The following SNAP23 variants were observed in gnomAD, a reference collection of about 807,000 sequenced individuals.
The protein encoded by SNAP23 is synaptosomal-associated protein 23.
Under a neutral mutation model 29.0 loss-of-function variants are expected in SNAP23, and 11 were observed. That is an observed-to-expected ratio of 0.38 (90% confidence interval 0.24 to 0.63). SNAP23 has a LOEUF of 0.63. Ranked by LOEUF, SNAP23 falls within the 20% of genes least tolerant of loss-of-function variation. The probability of loss-of-function intolerance (pLI) is 0.58; values close to 1 mark genes in which losing one functional copy is unlikely to be tolerated. For missense variants in SNAP23, 220 were observed against 253.9 expected (o/e 0.87, Z 0.91); for synonymous variants, 60 against 82.9 (o/e 0.72, Z 1.50).
At chr15:42,525,705 G>C (rs1407915763) in intron 5 of SNAP23, among the ~76,000 whole-genome samples, 1 of 151,682 alleles carries the variant, frequency 6.6e-6, no homozygotes, top group African/African-American at 2.4e-5. Context: ...TTCGTGATCT[G>C]CCTGCCTCGG....
At chr15:42,522,645 TCA>T (rs1485822555) in intron 5 of SNAP23, among the ~76,000 whole-genome samples, 1 of 150,286 alleles carries the variant, frequency 6.7e-6, no homozygotes, top group Admixed American at 6.7e-5. Context: ...TGTGAAATAG[TCA>T]CAGCTAATAT....
At chr15:42,495,946 C>A (rs2057215980) in intron 1 of SNAP23, 2 of 152,206 alleles carry the variant, frequency 1.3e-5, no homozygotes, top group Non-Finnish European at 1.5e-5. Context: ...TTCTCTGGAC[C>A]CTTCCTCGAA....
upstream of SNAP23, among the ~76,000 whole-genome samples, chr15:42,493,737 T>C (rs1335080124): frequency 6.6e-6 from 1 of 152,144 alleles, no homozygotes; most frequent in African/African-American, 2.4e-5. Context: ...TATTACTTTC[T>C]ACAATATTCC....
chr15:42,529,907 C>T (rs952990180), intron 7 of SNAP23, 88 bp downstream of exon 7: 34 of 1,396,062 alleles, frequency 2.4e-5, no homozygotes, highest in South Asian at 9.4e-5. Flanking sequence ...GTGGGGGACA[C>T]GGTAGAATAA....
intron 1 of SNAP23, among the ~76,000 whole-genome samples, chr15:42,501,220 T>C (rs1173311043): frequency 6.6e-6 from 1 of 152,152 alleles, no homozygotes; most frequent in Non-Finnish European, 1.5e-5. Flanking sequence ...GTGTTCTGTC[T>C]TGAAAGCCAT....
chr15:42,513,266 A>T (rs1310031984), intron 3 of SNAP23, 133 bp from the exon 4 acceptor site: 2 of 845,156 alleles, frequency 2.4e-6, no homozygotes, highest in Non-Finnish European at 4.1e-6. Flanking sequence ...GTTTAAGAAT[A>T]CTAGTTCTGT....
At chr15:42,499,283 G>A (rs778956718) in intron 1 of SNAP23, among the ~76,000 whole-genome samples, 1 of 152,142 alleles carries the variant, frequency 6.6e-6, no homozygotes, top group African/African-American at 2.4e-5. Flanking sequence ...TGTTAGTGAG[G>A]CTGGTCTCGA....
At chr15:42,492,812 G>A (rs2057184551), upstream of SNAP23, 1 of 151,902 alleles carries the variant, frequency 6.6e-6, no homozygotes, top group African/African-American at 2.4e-5. Flanking sequence ...ACAAGTCCTT[G>A]AAACACTCAA....
chr15:42,510,505 C>G (rs557975246), intron 1 of SNAP23, among the ~76,000 whole-genome samples: 2 of 152,250 alleles, frequency 1.3e-5, no homozygotes, highest in East Asian at 3.9e-4. Flanking sequence ...GTTTGTGGCT[C>G]TAGTGATTCT....
intron 1 of SNAP23, among the ~76,000 whole-genome samples, chr15:42,506,028 C>T (rs537445972): frequency 1.3e-5 from 2 of 150,118 alleles, no homozygotes; most frequent in African/African-American, 4.9e-5. Flanking sequence ...TAACTGCAAC[C>T]ACTCCCTCCC....
At position 42,512,824 on chromosome 15, in the gene SNAP23, A is replaced by G. The variant is rs1322928915; in HGVS notation, c.58-131A>G. 4.6e-6 allele frequency: 3 copies of G among 658,246 alleles called. No individual in the cohort carries two copies. The African/African-American group carries it at 5.4e-5, about 12-fold the overall frequency. The allele number at this position is 658,246 out of a possible 1,614,324, so 40.8% of individuals were successfully genotyped here. On this transcript the variant is annotated intron_variant, in intron 2 of 7. Coordinates refer to ENST00000249647, the MANE Select transcript of SNAP23 (RefSeq NM_003825.4). ...CTCGGCCTCCCAAAGTGCTGGGATT[A>G]TAGGCATGAGCCACTGTGCCCGGCC...
At chr15:42,494,510 CTT>C (rs71108164), upstream of SNAP23, among the ~76,000 whole-genome samples, 3,760 of 122,336 alleles carry the variant, frequency 0.031, 52 homozygotes, top group African/African-American at 0.053. Flanking sequence ...TTTTTTCTTT[CTT>C]TTTTTTTTTT....
chr15:42,528,055 ATT>A, intron 5 of SNAP23: 1 of 471,410 alleles, frequency 2.1e-6, no homozygotes, highest in Non-Finnish European at 3.8e-6. Context: ...CCTTTTTAAA[ATT>A]TTTTTTAGTG....
chr15:42,511,402 C>T (rs1487309476), intron 1 of SNAP23, among the ~76,000 whole-genome samples: 1 of 152,230 alleles, frequency 6.6e-6, no homozygotes, highest in East Asian at 1.9e-4. Flanking sequence ...TCTTCAGGCA[C>T]ATAACTTCAA....
upstream of SNAP23, among the ~76,000 whole-genome samples, chr15:42,493,862 T>C (rs202052900): frequency 1.1e-4 from 17 of 152,290 alleles, no homozygotes; most frequent in East Asian, 2.7e-3. Context: ...TTTAACTTCC[T>C]GTTACTAAAC....
chr15:42,501,866 T>C (rs1412904717), intron 1 of SNAP23, among the ~76,000 whole-genome samples: 2 of 152,182 alleles, frequency 1.3e-5, no homozygotes, highest in Admixed American at 1.3e-4. Context: ...ATGAGGAAAC[T>C]GAAGCACAGA....
At chr15:42,525,205 A>T (rs62019288) in intron 5 of SNAP23, among the ~76,000 whole-genome samples, 12,388 of 151,748 alleles carry the variant, frequency 0.082, 647 homozygotes, top group Non-Finnish European at 0.12. Flanking sequence ...TGTCTCTACT[A>T]AAAATACAAA....
intron 1 of SNAP23, among the ~76,000 whole-genome samples, chr15:42,497,958 T>C (rs1275624035): frequency 1.3e-5 from 2 of 152,206 alleles, no homozygotes; most frequent in Admixed American, 1.3e-4. Flanking sequence ...GTCTTAAAAC[T>C]TATTTTAATC....
At chr15:42,503,945 T>C (rs1293164927) in intron 1 of SNAP23, among the ~76,000 whole-genome samples, 1 of 152,132 alleles carries the variant, frequency 6.6e-6, no homozygotes, top group Admixed American at 6.6e-5. Flanking sequence ...TTTTGGGGCC[T>C]ATATATAAAA....
Sources: allele counts gnomAD v4.1 joint callset (sites outside exome capture counted in the v4.1 genomes callset), GRCh38; gene constraint gnomAD v4.1.1; transcripts MANE v1.5; gene names NCBI Gene and HGNC (gene_info 2026-07-23, HGNC 2026-07-21).